The following KDM3A variants were observed in gnomAD, a reference collection of about 807,000 sequenced individuals.
The protein encoded by KDM3A is lysine demethylase 3A.
In KDM3A, 60 loss-of-function variants were observed where a neutral mutation model predicts 158.0. The observed-to-expected ratio is 0.38, with a 90% CI of 0.31 to 0.47. The LOEUF (loss-of-function observed/expected upper bound fraction) is 0.47. KDM3A is among the 20% of genes least tolerant of loss of function. The pLI is 0.99. For missense variants in KDM3A, 1,319 were observed against 1,574.3 expected, an observed-to-expected ratio of 0.84 and a Z score of 2.74; for synonymous variants, 608 against 549.3, an observed-to-expected ratio of 1.11 and a Z score of -1.49.
At chr2:86,446,668 C>A (rs1682969728) in intron 2 of KDM3A, among the ~76,000 whole-genome samples, 1 of 152,138 alleles carries the variant, frequency 6.6e-6, no homozygotes, top group Admixed American at 6.5e-5. Flanking sequence ...TGAGATCGCG[C>A]CACTACACTC....
chr2:86,482,020 CGTT>C lies in KDM3A; in HGVS notation c.2604_2606del (p.Phe869del). On this transcript the variant is annotated inframe_deletion, in exon 17 of 26. Transcript: ENST00000312912. ...AGCAAATCCAGCACAGTCCTCCATA[CGTT>C]TAACAGCACAATTTTGACACCCGTA... 6.2e-7 allele frequency: 1 copy of C among 1,613,970 alleles called. No individual in the cohort carries two copies. The highest frequency in any genetic ancestry group is 8.5e-7 in the Non-Finnish European group (1 of 1,179,842).
chr2:86,445,065 TAAAG>T (rs1415982084), intron 2 of KDM3A, among the ~76,000 whole-genome samples: 1 of 152,202 alleles, frequency 6.6e-6, no homozygotes, highest in African/African-American at 2.4e-5. Context: ...AACTGAGGCT[TAAAG>T]AAGTTAAATA....
chr2:86,465,931 TTA>T (rs1673119921), intron 9 of KDM3A, among the ~76,000 whole-genome samples: 1 of 110,294 alleles, frequency 9.1e-6, no homozygotes, highest in African/African-American at 4.0e-5. Flanking sequence ...TCTCTGAAAT[TTA>T]CACACAAAAA....
intron 8 of KDM3A, 33 bp from the exon 9 acceptor site, chr2:86,464,020 C>A (rs1451257976): frequency 6.9e-7 from 1 of 1,458,084 alleles, no homozygotes; most frequent in Non-Finnish European, 9.2e-7. Flanking sequence ...CTAGGGACTT[C>A]CTTTTAATAT....
intron 16 of KDM3A, among the ~76,000 whole-genome samples, chr2:86,481,336 T>C (rs940245952): frequency 5.3e-5 from 8 of 152,260 alleles, no homozygotes; most frequent in African/African-American, 1.9e-4. Context: ...AACACTGCAC[T>C]CTGCCTCCCA....
intron 19 of KDM3A, 125 bp from the exon 20 acceptor site, chr2:86,484,817 G>A (rs1558630952): frequency 1.8e-6 from 1 of 563,598 alleles, no homozygotes; most frequent in African/African-American, 1.9e-5. Context: ...AAATTTATCA[G>A]GTTATGAAAA....
At chr2:86,484,892 G>C (rs1372814660) in intron 19 of KDM3A, 50 bp from the exon 20 acceptor site, 1 of 1,135,250 alleles carries the variant, frequency 8.8e-7, no homozygotes, top group South Asian at 1.4e-5. Context: ...ATTTATTTTG[G>C]TCTGTTTCTG....
Position 86,451,100 on chromosome 2 carries a change from T to C in KDM3A, c.343-3T>C, listed in dbSNP as rs747547707. On this transcript the variant is annotated splice_polypyrimidine_tract_variant and splice_region_variant and intron_variant, in intron 3 of 25. Transcript: ENST00000312912. ...GATGCTAAAGTGTTTTCTTTTGTTT[T>C]AGACGTACAAACCTCTGTTGGACAA... is the stretch of plus-strand genomic sequence containing the variant. 58 of 1,588,900 alleles carry C rather than the reference T, an allele frequency of 3.7e-5. 1 individual carries two copies. The Middle Eastern group carries it at 8.4e-4, about 23-fold the overall frequency.
intron 15 of KDM3A, 108 bp downstream of exon 15, chr2:86,478,843 G>T: frequency 2.0e-6 from 2 of 1,009,074 alleles, no homozygotes; most frequent in Non-Finnish European, 3.0e-6. Flanking sequence ...CCTGGGGATA[G>T]CTATCAAGTG....
At chr2:86,470,147 A>C in intron 10 of KDM3A, 57 bp from the exon 11 acceptor site, 2 of 1,391,678 alleles carry the variant, frequency 1.4e-6, no homozygotes, top group South Asian at 2.3e-5. Context: ...TCAGTCATAT[A>C]TGAATGTGAT....
intron 20 of KDM3A, among the ~76,000 whole-genome samples, chr2:86,485,488 T>A (rs1320760433): frequency 6.6e-6 from 1 of 152,216 alleles, no homozygotes; most frequent in Non-Finnish European, 1.5e-5. Context: ...TGTCTAGAAT[T>A]TATTGCTGAG....
intron 21 of KDM3A, chr2:86,489,079 C>T: frequency 2.4e-6 from 1 of 416,794 alleles, no homozygotes; most frequent in Non-Finnish European, 4.3e-6. Flanking sequence ...TGGCAAATCC[C>T]AGCTTCGGAA....
At chr2:86,454,961 ATC>A (rs1351428876) in intron 4 of KDM3A, 122 bp from the exon 5 acceptor site, 1 of 572,502 alleles carries the variant, frequency 1.7e-6, no homozygotes, top group Non-Finnish European at 3.1e-6. Flanking sequence ...GATTTGGGCT[ATC>A]ACATGGTTTG....
intron 8 of KDM3A, among the ~76,000 whole-genome samples, chr2:86,459,253 G>A (rs1420554903): frequency 3.3e-5 from 5 of 152,118 alleles, no homozygotes; most frequent in African/African-American, 1.2e-4. Context: ...ATGTGGCCAG[G>A]ACTACACAGA....
At chr2:86,450,013 A>G in intron 3 of KDM3A, 51 bp downstream of exon 3, 5 of 1,530,776 alleles carry the variant, frequency 3.3e-6, no homozygotes, top group Non-Finnish European at 4.4e-6. Flanking sequence ...CATTTTATCC[A>G]TTGTGGGTAC....
rs1307484885 is a variant in KDM3A at position 86,456,845 on chromosome 2, T to C, written c.722T>C (p.Val241Ala). ...ATTGTTGATCCGTCACTGATTCATG[T>C]TGAAGTTGTACACGATAACCTTGTG... ...LKIVDPSLIH[V>A]EVVHDNLVTC... The change falls in exon 7 of 26, where the codon GTT becomes GCT. Residue 241 changes from valine (V) to alanine (A), a missense_variant. Val to Ala is a moderately conservative substitution (Grantham distance 64). Coordinates refer to ENST00000312912, the MANE Select transcript of KDM3A (RefSeq NM_018433.6). 1 of 1,612,700 alleles carries C rather than the reference T, an allele frequency of 6.2e-7. No individual in the cohort carries two copies. The highest frequency in any genetic ancestry group is 8.5e-7 in the Non-Finnish European group (1 of 1,178,926).
At chr2:86,458,137 T>C (rs987945100) in intron 8 of KDM3A, among the ~76,000 whole-genome samples, 2 of 152,240 alleles carry the variant, frequency 1.3e-5, no homozygotes, top group African/African-American at 4.8e-5. Flanking sequence ...AGGAAGCCAA[T>C]GAATAAATCT....
rs778305622 is a variant in KDM3A at position 86,482,106 on chromosome 2, T to G, written c.2685+4T>G. 1 of 1,611,476 alleles carries G rather than the reference T, an allele frequency of 6.2e-7. No homozygotes were observed. The highest frequency in any genetic ancestry group is 8.5e-7 in the Non-Finnish European group (1 of 1,178,490). On this transcript the variant is annotated splice_donor_region_variant and intron_variant, in intron 17 of 25. Coordinates refer to ENST00000312912, the MANE Select transcript of KDM3A (RefSeq NM_018433.6). ...CTTGAATTCTTCTACAGGAAAGGTA[T>G]GTGTTTGTTTGTTGGTATTCCATGT...
At position 86,466,544 on chromosome 2, in the gene KDM3A, A is replaced by G; in HGVS notation, c.1180A>G (p.Lys394Glu). ...GCCAAAAGGCAGCTGTACTCAGCCTAAGACAAACACTGATCAGGAAAACAG... is the reference window on the plus strand; with the variant it reads ...GCCAAAAGGCAGCTGTACTCAGCCTGAGACAAACACTGATCAGGAAAACAG... ...TEPKGSCTQP[K>E]TNTDQENRLE... The change falls in exon 10 of 26, where the codon AAG becomes GAG. Residue 394 changes from lysine (K) to glutamate (E), a missense_variant. By Grantham distance (56) the Lys-to-Glu change is moderately conservative (BLOSUM62 1). Coordinates refer to ENST00000312912, the MANE Select transcript of KDM3A (RefSeq NM_018433.6). 1 of 1,613,960 alleles carries G rather than the reference A, an allele frequency of 6.2e-7. No individual in the cohort carries two copies. Among genetic ancestry groups the G allele is most frequent in the Non-Finnish European group, 8.5e-7 (1 of 1,179,874 alleles).
Sources: allele counts gnomAD v4.1 joint callset (sites outside exome capture counted in the v4.1 genomes callset), GRCh38; gene constraint gnomAD v4.1.1; transcripts MANE v1.5; gene names NCBI Gene and HGNC (gene_info 2026-07-23, HGNC 2026-07-21).